The following WWOX variants were observed in gnomAD, a reference collection of about 807,000 sequenced individuals.
WWOX encodes the protein WW domain-containing oxidoreductase.
WWOX carries 69 observed loss-of-function variants against 46.2 expected under a neutral mutation model. The ratio of observed to expected loss-of-function variants is 1.49; its 90% CI spans 1.23 to 1.82. The LOEUF (loss-of-function observed/expected upper bound fraction) is 1.82. Ranked by LOEUF, WWOX falls within the 40% of genes most tolerant of loss-of-function variation. The probability of loss-of-function intolerance (pLI) is 0.00; values close to 1 mark genes in which losing one functional copy is unlikely to be tolerated. For missense variants in WWOX, 919 were observed against 542.6 expected (o/e 1.69, Z -6.89); for synonymous variants, 359 against 202.6 (o/e 1.77, Z -6.56).
chr16:78,650,133 G>A (rs2046933708), intron 8 of WWOX, among the ~76,000 whole-genome samples: 1 of 152,162 alleles, frequency 6.6e-6, no homozygotes, highest in African/African-American at 2.4e-5. Context: ...AGAAAAGCAG[G>A]ACAAATGAAC....
At position 78,533,416 on chromosome 16, in the gene WWOX, A is replaced by C. The variant is rs562754344; in HGVS notation, c.1056+100664A>C. Among the ~76,000 whole-genome samples the C allele has an allele frequency of 1.5e-3, 223 of 152,106 alleles. 1 individual carries two copies. Among genetic ancestry groups the C allele is most frequent in the Non-Finnish European group, 2.6e-3 (179 of 68,016 alleles). On this transcript the variant is annotated intron_variant, in intron 8 of 8. Transcript: ENST00000566780. Reference sequence around the variant, plus strand: ...ATATACAATTGTTGATGAGCTAAAAAAAAAAAAAATCCCCAAAAAATCTCA... The same window carrying C: ...ATATACAATTGTTGATGAGCTAAAACAAAAAAAAATCCCCAAAAAATCTCA...
At chr16:78,356,493 G>A (rs543646346) in intron 5 of WWOX, among the ~76,000 whole-genome samples, 5 of 152,126 alleles carry the variant, frequency 3.3e-5, no homozygotes, top group South Asian at 2.1e-4. Context: ...GTTGTAAGTC[G>A]CCTACCCTAG....
intron 8 of WWOX, among the ~76,000 whole-genome samples, chr16:78,491,528 T>A (rs1429183036): frequency 6.6e-6 from 1 of 151,950 alleles, no homozygotes; most frequent in African/African-American, 2.4e-5. Context: ...AGTGGCAGAG[T>A]CTCTGTGCAC....
At chr16:78,608,172 C>T (rs571595044) in intron 8 of WWOX, among the ~76,000 whole-genome samples, 2 of 152,152 alleles carry the variant, frequency 1.3e-5, no homozygotes, top group East Asian at 3.9e-4. Context: ...GCCACGGGGC[C>T]CTTCCTGGTA....
At chr16:79,026,621 T>TTC (rs1555513940) in intron 8 of WWOX, among the ~76,000 whole-genome samples, 1 of 141,206 alleles carries the variant, frequency 7.1e-6, no homozygotes, top group East Asian at 2.0e-4. Context: ...ACTCTTTTTT[T>TTC]TTTTTTTTTT....
At chr16:78,909,599 C>T (rs1028084966) in intron 8 of WWOX, among the ~76,000 whole-genome samples, 1 of 152,170 alleles carries the variant, frequency 6.6e-6, no homozygotes, top group Admixed American at 6.5e-5. Context: ...CAGAGGCTTT[C>T]TGGAAATGAT....
chr16:78,881,909 G>C (rs137936457), intron 8 of WWOX, among the ~76,000 whole-genome samples: 1,741 of 152,248 alleles, frequency 0.011, 23 homozygotes, highest in Middle Eastern at 0.024. Context: ...GATCACTTGA[G>C]GTCAGGAGTT....
Position 78,374,321 on chromosome 16 carries a change from CCATGCA to C in WWOX, c.517-12538_517-12533del, listed in dbSNP as rs1410690899. On this transcript the variant is annotated intron_variant, in intron 5 of 8. Coordinates refer to ENST00000566780, the MANE Select transcript of WWOX (RefSeq NM_016373.4). Reference sequence around the variant, plus strand: ...TATCATTCTAATCAACAAAGCCAGACCATGCATGATTTAATGGATCAGTGAAATCCT... The same window carrying C: ...TATCATTCTAATCAACAAAGCCAGACTGATTTAATGGATCAGTGAAATCCT... Among the ~76,000 whole-genome samples, 4 of 152,042 alleles carry C rather than the reference CCATGCA, an allele frequency of 2.6e-5. No individual in the cohort carries two copies. In the East Asian group the frequency reaches 7.7e-4, roughly 29 times the overall value.
At chr16:78,789,915 A>G (rs1478352627) in intron 8 of WWOX, among the ~76,000 whole-genome samples, 1 of 152,090 alleles carries the variant, frequency 6.6e-6, no homozygotes, top group Non-Finnish European at 1.5e-5. Flanking sequence ...TTAAACTCCA[A>G]TTCTGCCACT....
At chr16:78,784,970 G>A (rs952811867) in intron 8 of WWOX, among the ~76,000 whole-genome samples, 2 of 152,122 alleles carry the variant, frequency 1.3e-5, no homozygotes, top group Admixed American at 1.3e-4. Flanking sequence ...AGAAGGTCCC[G>A]TGGGCAGGAG....
At chr16:78,715,577 G>C (rs1052469289) in intron 8 of WWOX, among the ~76,000 whole-genome samples, 1 of 151,010 alleles carries the variant, frequency 6.6e-6, no homozygotes, top group Non-Finnish European at 1.5e-5. Context: ...TCCGCCTCTT[G>C]GGTTCAAGCG....
intron 8 of WWOX, among the ~76,000 whole-genome samples, chr16:78,557,908 G>C (rs147647336): frequency 6.6e-6 from 1 of 152,108 alleles, no homozygotes; most frequent in East Asian, 1.9e-4. Context: ...GGTTGGCCAG[G>C]CTGCTCTCGA....
intron 8 of WWOX, among the ~76,000 whole-genome samples, chr16:79,179,598 C>T (rs1171052111): frequency 6.6e-6 from 1 of 152,248 alleles, no homozygotes; most frequent in Non-Finnish European, 1.5e-5. Context: ...AATGTAGCTT[C>T]TGGCTGGTTC....
At chr16:79,071,891 G>C (rs1235160163) in intron 8 of WWOX, among the ~76,000 whole-genome samples, 3 of 152,226 alleles carry the variant, frequency 2.0e-5, no homozygotes, top group South Asian at 2.1e-4. Flanking sequence ...TGGTGCACCA[G>C]ATGGTCTCAT....
chr16:78,398,624 C>T (rs1439543060), intron 6 of WWOX, among the ~76,000 whole-genome samples: 1 of 152,174 alleles, frequency 6.6e-6, no homozygotes, highest in East Asian at 1.9e-4. Context: ...ATTGATTTTA[C>T]TTCATTAAAC....
chr16:78,205,487 A>G (rs1412839455), intron 5 of WWOX, among the ~76,000 whole-genome samples: 1 of 151,090 alleles, frequency 6.6e-6, no homozygotes, highest in African/African-American at 2.4e-5. Flanking sequence ...ACCCTTCCAT[A>G]CATTCATCTA....
intron 8 of WWOX, among the ~76,000 whole-genome samples, chr16:78,792,407 T>G (rs553601754): frequency 6.6e-6 from 1 of 152,132 alleles, no homozygotes; most frequent in African/African-American, 2.4e-5. Context: ...AGCTCGGAGA[T>G]GGCTTCCTAT....
At chr16:78,811,911 A>G (rs752083231) in intron 8 of WWOX, among the ~76,000 whole-genome samples, 2 of 152,210 alleles carry the variant, frequency 1.3e-5, no homozygotes, top group Non-Finnish European at 2.9e-5. Flanking sequence ...ATAATAAGAT[A>G]TACCTGTTAG....
intron 5 of WWOX, among the ~76,000 whole-genome samples, chr16:78,315,299 A>G (rs1402945823): frequency 6.6e-6 from 1 of 152,174 alleles, no homozygotes; most frequent in East Asian, 1.9e-4. Flanking sequence ...TTTTCCTTGT[A>G]AAAGCTTCAT....
Sources: gnomAD v4.1 joint callset for allele counts (sites outside exome capture counted in the v4.1 genomes callset) on GRCh38, gnomAD v4.1.1 for gene constraint, MANE v1.5 for transcripts, NCBI Gene and HGNC (gene_info 2026-07-23, HGNC 2026-07-21) for gene names.